The following HCN4 variants were observed in gnomAD, a reference collection of about 807,000 sequenced individuals.
HCN4 encodes hyperpolarization activated cyclic nucleotide gated potassium channel 4, also known as potassium/sodium hyperpolarization-activated cyclic nucleotide-gated channel 4.
In HCN4, 29 loss-of-function variants were observed where a neutral mutation model predicts 76.9. That is an observed-to-expected ratio of 0.38 (90% CI 0.28 to 0.51). The LOEUF (loss-of-function observed/expected upper bound fraction) is 0.51, where lower values mean the gene tolerates loss of function less well. HCN4 is among the 20% of genes least tolerant of loss of function. HCN4 has a pLI of 0.90. For missense variants in HCN4, 1,416 were observed against 1,715.2 expected, an observed-to-expected ratio of 0.83 and a Z score of 3.08; for synonymous variants, 772 against 762.5, an observed-to-expected ratio of 1.01 and a Z score of -0.21.
intron 1 of HCN4, among the ~76,000 whole-genome samples, chr15:73,350,840 A>G (rs1389259422): frequency 6.6e-6 from 1 of 151,726 alleles, no homozygotes; most frequent in Non-Finnish European, 1.5e-5. Flanking sequence ...TAAGCTCTCT[A>G]AACTTAAAAA....
chr15:73,339,211 G>A (rs910812575), intron 2 of HCN4, among the ~76,000 whole-genome samples: 1 of 152,232 alleles, frequency 6.6e-6, no homozygotes, highest in Non-Finnish European at 1.5e-5. Context: ...AGGGAGGGAG[G>A]AGGCATGGCT....
intron 1 of HCN4, among the ~76,000 whole-genome samples, chr15:73,366,290 C>T (rs1330935929): frequency 6.6e-6 from 1 of 152,216 alleles, no homozygotes; most frequent in African/African-American, 2.4e-5. Context: ...AATGGCTTTG[C>T]TCTCATTACA....
At position 73,343,064 on chromosome 15, in the gene HCN4, T is replaced by A. The variant is rs1037127895; in HGVS notation, c.1209+321A>T. ...TAGAGGTGATCGGCTTAAGTTCACA[T>A]TCCAGGTTCACAAATTACTAATCAT... On this transcript the variant is annotated intron_variant, in intron 2 of 7. Transcript: ENST00000261917. The surrounding 1 kb of genome is among the most constrained non-coding windows in gnomAD (Gnocchi z 5.7). Among the ~76,000 whole-genome samples the A allele has an allele frequency of 6.6e-6, 1 of 152,232 alleles. No individual in the cohort carries two copies. Among genetic ancestry groups the A allele is most frequent in the Non-Finnish European group, 1.5e-5 (1 of 68,050 alleles).
intron 1 of HCN4, among the ~76,000 whole-genome samples, chr15:73,359,291 T>C (rs1289121652): frequency 6.6e-6 from 1 of 152,154 alleles, no homozygotes; most frequent in East Asian, 1.9e-4. Flanking sequence ...GCACCTGAGC[T>C]TGCTGCCTGG....
Position 73,368,043 on chromosome 15 carries a change from G to A in HCN4, c.228C>T (p.Asp76=), listed in dbSNP as rs2043137744. The A allele has an allele frequency of 3.4e-6, 5 of 1,458,550 alleles. No homozygotes were observed. In the African/African-American group the frequency reaches 5.9e-5, roughly 17 times the overall value. The allele number at this position is 1,458,550 out of a possible 1,614,324, so 90.4% of individuals were successfully genotyped here. ...ESRSSALGAA[D]SEGPARGAGK... ...CCGCGCCGCGGGCCGGCCCTTCGCT[G>A]TCCGCTGCCCCGAGGGCCGAGCTCC... The change falls in exon 1 of 8, where the codon GAC becomes GAT. Residue 76 remains aspartate, a synonymous_variant. Transcript: ENST00000261917. This position sits in a 1 kb window ranked among gnomAD's most constrained non-coding sequence, Gnocchi z 6.9.
Position 73,325,312 on chromosome 15 carries a change from C to T in HCN4, c.1723G>A (p.Glu575Lys). 5.6e-6 allele frequency: 9 copies of T among 1,613,764 alleles called. No homozygotes were observed. The highest frequency in any genetic ancestry group is 7.6e-6 in the Non-Finnish European group (9 of 1,179,902). ...ACACAGCTCACCTCCCGCAGGGGCTCGCTTAGCTCGCCCAGGATGCTCTCC... is the reference window on the plus strand; with the variant it reads ...ACACAGCTCACCTCCCGCAGGGGCTTGCTTAGCTCGCCCAGGATGCTCTCC... The part of the protein sequence containing the change: ...DEESILGELS[E>K]PLREEIINFN... Residue 575 changes from glutamate to lysine, a missense_variant, in exon 5 of 8, where the codon GAG becomes AAG. Transcript: ENST00000261917. The surrounding 1 kb of genome is among the most constrained non-coding windows in gnomAD (Gnocchi z 7.4).
chr15:73,353,004 A>AGATGGACAGATGGATG (rs1555477973), intron 1 of HCN4, among the ~76,000 whole-genome samples: 8 of 150,926 alleles, frequency 5.3e-5, no homozygotes, highest in South Asian at 4.2e-4. Context: ...ATGGATGGAC[A>AGATGGACAGATGGATG]GATGGATGGA....
chr15:73,365,062 T>C (rs1457016928), intron 1 of HCN4, among the ~76,000 whole-genome samples: 1 of 152,082 alleles, frequency 6.6e-6, no homozygotes, highest in East Asian at 1.9e-4. Flanking sequence ...GCAATGGCGA[T>C]TGGCTACACA....
chr15:73,341,204 T>C (rs983431106), intron 2 of HCN4: 2 of 152,042 alleles, frequency 1.3e-5, no homozygotes, highest in African/African-American at 4.8e-5. Flanking sequence ...AGTGGTGCGA[T>C]CTTGGCTCAC....
intron 1 of HCN4, among the ~76,000 whole-genome samples, chr15:73,358,030 C>T (rs972668256): frequency 2.6e-5 from 4 of 152,214 alleles, no homozygotes; most frequent in Non-Finnish European, 2.9e-5. Context: ...CTCTCTTCAG[C>T]CTCATACTGA....
Position 73,332,112 on chromosome 15 carries a change from C to T in HCN4, c.1371+19G>A, listed in dbSNP as rs369139163. 6.2e-7 allele frequency: 1 copy of T among 1,612,572 alleles called. No homozygotes were observed. Among genetic ancestry groups the T allele is most frequent in the African/African-American group, 1.3e-5 (1 of 74,878 alleles). ...GCCCGCCTATGGCCCAGAGAGAGGA[C>T]CGGGCTGGGCGCACTCACCACCATG... On this transcript the variant is annotated intron_variant, in intron 3 of 7. Transcript: ENST00000261917.
intron 3 of HCN4, among the ~76,000 whole-genome samples, chr15:73,330,697 C>T (rs535296017): frequency 6.6e-4 from 100 of 152,312 alleles, no homozygotes; most frequent in Admixed American, 1.2e-3. Flanking sequence ...AGAGGCCCAG[C>T]CCCCAGGGGA....
intron 1 of HCN4, among the ~76,000 whole-genome samples, chr15:73,352,823 C>T (rs1350826401): frequency 1.3e-5 from 2 of 152,184 alleles, no homozygotes; most frequent in Non-Finnish European, 2.9e-5. Flanking sequence ...ACTGCTCTCC[C>T]GGAATCCCCT....
chr15:73,357,344 C>T (rs2043085796), intron 1 of HCN4, among the ~76,000 whole-genome samples: 1 of 152,110 alleles, frequency 6.6e-6, no homozygotes, highest in Admixed American at 6.5e-5. Context: ...ATGATGATGC[C>T]CCAGAGCCTC....
intron 4 of HCN4, among the ~76,000 whole-genome samples, chr15:73,326,261 C>G (rs1297031820): frequency 6.6e-6 from 1 of 152,124 alleles, no homozygotes; most frequent in African/African-American, 2.4e-5. Context: ...GTCCCTATCA[C>G]CCCAGCAGCA....
At position 73,343,923 on chromosome 15, in the gene HCN4, G is replaced by T; in HGVS notation, c.786-115C>A. On this transcript the variant is annotated intron_variant, in intron 1 of 7. Coordinates refer to ENST00000261917, the MANE Select transcript of HCN4 (RefSeq NM_005477.3). This position sits in a 1 kb window ranked among gnomAD's most constrained non-coding sequence, Gnocchi z 5.7. ...ACAGAGAAGTCTTGGGAGGTTCTGA[G>T]ACAGGAAGACAGGCACATGGGTACC... The T allele has an allele frequency of 9.9e-7, 1 of 1,012,810 alleles. No homozygotes were observed. Among genetic ancestry groups the T allele is most frequent in the Non-Finnish European group, 1.5e-6 (1 of 654,354 alleles). The allele number at this position is 1,012,810 out of a possible 1,614,324, so 62.7% of individuals were successfully genotyped here. A position where few individuals can be genotyped will look rare whatever the true frequency, so the allele number is the denominator to read the frequency against.
intron 2 of HCN4, among the ~76,000 whole-genome samples, chr15:73,333,058 G>C (rs544587353): frequency 1.2e-4 from 19 of 152,224 alleles, no homozygotes; most frequent in Non-Finnish European, 2.2e-4. Context: ...TACGTATTTG[G>C]GGTAATGTTC....
chr15:73,325,695 T>C lies in HCN4; in HGVS notation c.1591-251A>G, dbSNP rs1246821798. Among the ~76,000 whole-genome samples the C allele has an allele frequency of 6.6e-6, 1 of 152,050 alleles. No homozygotes were observed. ...ATCTGCTCCTCGCTGTGTTCAATAC[T>C]AAGGAGGTGGGTGAGGGCGGCAGGG... is the stretch of plus-strand genomic sequence containing the variant. On this transcript the variant is annotated intron_variant, in intron 4 of 7. Coordinates refer to ENST00000261917, the MANE Select transcript of HCN4 (RefSeq NM_005477.3). The surrounding 1 kb of genome is among the most constrained non-coding windows in gnomAD (Gnocchi z 7.4).
At chr15:73,352,746 C>T (rs1253038932) in intron 1 of HCN4, among the ~76,000 whole-genome samples, 1 of 152,196 alleles carries the variant, frequency 6.6e-6, no homozygotes, top group African/African-American at 2.4e-5. Context: ...GAAGTTCTCC[C>T]TTCTTCCCAA....
Sources: gnomAD v4.1 joint callset for allele counts (sites outside exome capture counted in the v4.1 genomes callset) on GRCh38, gnomAD v4.1.1 for gene constraint, Gnocchi (gnomAD v3.1) non-coding constraint, MANE v1.5 for transcripts, NCBI Gene and HGNC (gene_info 2026-07-23, HGNC 2026-07-21) for gene names.